ADAMTS13: variants seen among roughly 807,000 people sequenced by gnomAD.
ADAMTS13 encodes A disintegrin and metalloproteinase with thrombospondin motifs 13.
In ADAMTS13, 110 loss-of-function variants were observed where a neutral mutation model predicts 155.1. The ratio of observed to expected loss-of-function variants is 0.71; its 90% CI spans 0.61 to 0.83. The LOEUF (loss-of-function observed/expected upper bound fraction) is 0.83. Among genes scored for constraint, ADAMTS13 ranks in the 40% least tolerant of loss-of-function variants. The probability of loss-of-function intolerance (pLI) is 0.00; values close to 1 mark genes in which losing one functional copy is unlikely to be tolerated. For synonymous variants in ADAMTS13, 758 were observed against 756.4 expected (o/e 1.00, Z -0.03); for missense variants, 1,707 against 1,891.7 (o/e 0.90, Z 1.81).
At chr9:133,432,725 T>C (rs1554787850) in intron 9 of ADAMTS13, 33 bp downstream of exon 9, 4 of 1,544,114 alleles carry the variant, frequency 2.6e-6, no homozygotes, top group Non-Finnish European at 3.5e-6. Context: ...TGGGCTCCTG[T>C]GAGCACGTGC....
Position 133,422,482 on chromosome 9 carries a change from C to T in ADAMTS13, c.39C>T (p.Leu13=). The part of the protein sequence containing the change: ...QRHPRARCPP[L]CVAGILACGF... Reference sequence around the variant, plus strand: ...ACCCCCGGGCAAGATGCCCTCCCCTCTGTGTGGCCGGAATCCTTGCCTGTG... The same window carrying T: ...ACCCCCGGGCAAGATGCCCTCCCCTTTGTGTGGCCGGAATCCTTGCCTGTG... The change falls in exon 1 of 29, where the codon CTC becomes CTT. Residue 13 remains leucine, a synonymous_variant. Transcript: ENST00000355699. The T allele has an allele frequency of 6.2e-7, 1 of 1,614,126 alleles. No homozygotes were observed. The highest frequency in any genetic ancestry group is 8.5e-7 in the Non-Finnish European group (1 of 1,180,022).
intron 21 of ADAMTS13, among the ~76,000 whole-genome samples, chr9:133,446,693 G>T (rs1470648697): frequency 6.6e-6 from 1 of 152,200 alleles, no homozygotes; most frequent in Non-Finnish European, 1.5e-5. Flanking sequence ...TGTATATCTA[G>T]AAGTGTGGTA....
upstream of ADAMTS13, chr9:133,422,260 G>C (rs976386094): frequency 1.6e-6 from 1 of 632,120 alleles, no homozygotes; most frequent in African/African-American, 1.8e-5. Context: ...CTTGCAGCAG[G>C]AGGAGCTGCA....
chr9:133,432,724 G>A (rs1304499978), intron 9 of ADAMTS13, 32 bp downstream of exon 9: 4 of 1,544,222 alleles, frequency 2.6e-6, no homozygotes, highest in Non-Finnish European at 3.5e-6. Context: ...GTGGGCTCCT[G>A]TGAGCACGTG....
At chr9:133,457,498 C>G (rs1842819601) in intron 27 of ADAMTS13, among the ~76,000 whole-genome samples, 1 of 152,270 alleles carries the variant, frequency 6.6e-6, no homozygotes, top group Non-Finnish European at 1.5e-5. Flanking sequence ...CAGCCCCGCC[C>G]ACACAGGCAT....
At chr9:133,415,062 C>T (rs1839492798) in intron 1 of ADAMTS13, 2 of 1,495,904 alleles carry the variant, frequency 1.3e-6, no homozygotes, top group East Asian at 2.3e-5. Flanking sequence ...AAATTACACA[C>T]AGCAGATTGA....
rs1554784785 is a variant in ADAMTS13, at chr9:133,424,768, G to A, written c.330+290G>A. Among the ~76,000 whole-genome samples, 1 of 152,112 alleles carries A rather than the reference G, an allele frequency of 6.6e-6. No individual in the cohort carries two copies. Among genetic ancestry groups the A allele is most frequent in the Non-Finnish European group, 1.5e-5 (1 of 68,022 alleles). On this transcript the variant is annotated intron_variant, in intron 3 of 28. Coordinates refer to ENST00000355699, the MANE Select transcript of ADAMTS13 (RefSeq NM_139027.6). The surrounding 1 kb of genome is among the most constrained non-coding windows in gnomAD (Gnocchi z 4.3). ...CCAGTATCCATTTGACCCCCACAAA[G>A]CTCAGCTAAAGCAACCCTGGCAAAT...
In ADAMTS13 at chr9:133,441,748, C is replaced by A. The variant is rs1028743875; in HGVS notation, c.1969-651C>A. ...CCACAGGTCCCCAGGGATCCAGTTT[C>A]TTCCTGCCGACCCTACCACAGGTCC... On this transcript the variant is annotated intron_variant, in intron 16 of 28. Coordinates refer to ENST00000355699, the MANE Select transcript of ADAMTS13 (RefSeq NM_139027.6). This position sits in a 1 kb window ranked among gnomAD's most constrained non-coding sequence, Gnocchi z 5.0. 6.6e-6 allele frequency among the ~76,000 whole-genome samples: 1 copy of A among 152,190 alleles called. No individual in the cohort carries two copies.
At chr9:133,448,876 C>G in intron 22 of ADAMTS13, 148 bp downstream of exon 22, 9 of 1,318,642 alleles carry the variant, frequency 6.8e-6, no homozygotes, top group Non-Finnish European at 9.3e-6. Context: ...CCCCATCCCC[C>G]TGCCTCACTC....
chr9:133,430,174 C>A (rs1325943164), intron 8 of ADAMTS13, 73 bp downstream of exon 8: 1 of 1,531,506 alleles, frequency 6.5e-7, no homozygotes, highest in Admixed American at 2.0e-5. Context: ...TCCCCCAAAA[C>A]GTGCATGGTG....
Position 133,426,307 on chromosome 9 carries a change from C to T in ADAMTS13, c.648C>T (p.Phe216=), listed in dbSNP as rs921760862. 10 of 1,605,294 alleles carry T rather than the reference C, an allele frequency of 6.2e-6. No individual in the cohort carries two copies. Among genetic ancestry groups the T allele is most frequent in the Non-Finnish European group, 8.5e-6 (10 of 1,179,990 alleles). The change falls in exon 6 of 29, where the codon TTC becomes TTT. Residue 216 remains phenylalanine (F), a synonymous_variant. Coordinates refer to ENST00000355699, the MANE Select transcript of ADAMTS13 (RefSeq NM_139027.6). The stretch of plus-strand genomic sequence containing the variant: ...GCCTCATTACCGAGGACACTGGCTT[C>T]GACCTGGGAGTCACCATTGCCCATG... ...WSCLITEDTG[F]DLGVTIAHEI...
chr9:133,440,646 C>T lies in ADAMTS13; in HGVS notation c.1968+121C>T, dbSNP rs1841604606. ...CATTTATTCATTCAGCGGTCACTTA[C>T]AGGGGACCCACTATGTGTTGGGCCC... On this transcript the variant is annotated intron_variant, in intron 16 of 28. Transcript: ENST00000355699. The surrounding 1 kb of genome is among the most constrained non-coding windows in gnomAD (Gnocchi z 4.3). 8.1e-7 allele frequency: 1 copy of T among 1,229,004 alleles called. No individual in the cohort carries two copies. The highest frequency in any genetic ancestry group is 1.1e-6 in the Non-Finnish European group (1 of 902,322). The allele number at this position is 1,229,004 out of a possible 1,614,324, so 76.1% of individuals were successfully genotyped here.
At chr9:133,417,298 T>G (rs1554781839), upstream of ADAMTS13, among the ~76,000 whole-genome samples, 1 of 152,250 alleles carries the variant, frequency 6.6e-6, no homozygotes, top group African/African-American at 2.4e-5. Flanking sequence ...ATCACAGGCG[T>G]GAGGCCCCGC....
chr9:133,414,518 C>T, exon 1 of ADAMTS13: 1 of 787,354 alleles, frequency 1.3e-6, no homozygotes. Flanking sequence ...TAGGGGAAAA[C>T]AAGTAACAGC....
intron 2 of ADAMTS13, among the ~76,000 whole-genome samples, chr9:133,423,989 G>A (rs887903077): frequency 6.6e-6 from 1 of 152,226 alleles, no homozygotes; most frequent in Non-Finnish European, 1.5e-5. Context: ...GTTTCCTGTC[G>A]GGGTCCATGA....
Position 133,440,429 on chromosome 9 carries a change from T to C in ADAMTS13, c.1872T>C (p.Gly624=). Reference sequence around the variant, plus strand: ...CCTACCCCTCCCTCCTGGAGGATGGTCGTGTCGAGTACAGAGTGGCCCTCA... The same window carrying C: ...CCTACCCCTCCCTCCTGGAGGATGGCCGTGTCGAGTACAGAGTGGCCCTCA... ...NTTYPSLLED[G]RVEYRVALTE... The change falls in exon 16 of 29, where the codon GGT becomes GGC. Residue 624 remains glycine, a synonymous_variant. Transcript: ENST00000355699. The surrounding 1 kb of genome is among the most constrained non-coding windows in gnomAD (Gnocchi z 4.3). The C allele has an allele frequency of 1.9e-6, 3 of 1,613,708 alleles. No homozygotes were observed. Among genetic ancestry groups the C allele is most frequent in the Non-Finnish European group, 2.5e-6 (3 of 1,179,962 alleles).
chr9:133,455,174 C>A, intron 24 of ADAMTS13, 111 bp from the exon 25 acceptor site: 1 of 1,225,336 alleles, frequency 8.2e-7, no homozygotes, highest in South Asian at 1.3e-5. Flanking sequence ...CACTTAACTG[C>A]CTCCCAGCTT....
chr9:133,417,574 G>A (rs369600656), upstream of ADAMTS13: 7 of 1,587,046 alleles, frequency 4.4e-6, no homozygotes, highest in African/African-American at 5.4e-5. Flanking sequence ...CGCGTTCTGC[G>A]GGAATGAGCT....
At chr9:133,455,965 T>C in intron 25 of ADAMTS13, 104 bp from the exon 26 acceptor site, 1 of 1,507,044 alleles carries the variant, frequency 6.6e-7, no homozygotes, top group East Asian at 2.3e-5. Context: ...GAGGACAGGG[T>C]CCACCCCTAC....
Sources: allele counts gnomAD v4.1 joint callset (sites outside exome capture counted in the v4.1 genomes callset), GRCh38; gene constraint gnomAD v4.1.1; non-coding constraint Gnocchi (gnomAD v3.1); transcripts MANE v1.5; gene names NCBI Gene and HGNC (gene_info 2026-07-23, HGNC 2026-07-21).